PIEZO1: variants seen among roughly 807,000 people sequenced by gnomAD.
The protein encoded by PIEZO1 is piezo-type mechanosensitive ion channel component 1.
Under a neutral mutation model 297.2 loss-of-function variants are expected in PIEZO1, and 296 were observed. The ratio of observed to expected loss-of-function variants is 1.00; its 90% CI spans 0.91 to 1.10. The LOEUF is 1.10. Ranked by LOEUF, PIEZO1 falls within the 50% of genes least tolerant of loss-of-function variation. The probability of loss-of-function intolerance (pLI) is 0.00; values close to 1 mark genes in which losing one functional copy is unlikely to be tolerated. For missense variants in PIEZO1, 5,018 were observed against 3,455.5 expected, an observed-to-expected ratio of 1.45 and a Z score of -11.34; for synonymous variants, 2,427 against 1,507.5, an observed-to-expected ratio of 1.61 and a Z score of -14.13.
chr16:88,779,826 C>T (rs555248953), intron 1 of PIEZO1, among the ~76,000 whole-genome samples: 9 of 152,324 alleles, frequency 5.9e-5, no homozygotes, highest in South Asian at 2.1e-4. Context: ...CCGGCCACCG[C>T]GGCACTCAGC....
intron 1 of PIEZO1, among the ~76,000 whole-genome samples, chr16:88,782,872 G>C (rs1022986170): frequency 6.6e-6 from 1 of 152,074 alleles, no homozygotes; most frequent in Non-Finnish European, 1.5e-5. Flanking sequence ...GTTCTTGGCC[G>C]GCTCCACTTC....
intron 1 of PIEZO1, 25 bp downstream of exon 1, chr16:88,784,876 C>G: frequency 7.0e-7 from 1 of 1,422,774 alleles, no homozygotes; most frequent in South Asian, 1.3e-5. Context: ...CTCCCGTCGC[C>G]CCCAGGCGCC....
chr16:88,717,376 G>C (rs1912126666), intron 44 of PIEZO1, 165 bp from the exon 45 acceptor site: 1 of 668,266 alleles, frequency 1.5e-6, no homozygotes, highest in Non-Finnish European at 2.7e-6. Context: ...GTAGAACTAA[G>C]AGTCCAGTTG....
chr16:88,722,160 G>T (rs1567662173), intron 36 of PIEZO1, 58 bp downstream of exon 36: 1 of 1,524,518 alleles, frequency 6.6e-7, no homozygotes, highest in African/African-American at 1.4e-5. Context: ...TCCTGCCCCT[G>T]TTCGGCTGCT....
intron 1 of PIEZO1, among the ~76,000 whole-genome samples, chr16:88,755,916 G>A (rs925458015): frequency 9.2e-5 from 14 of 152,150 alleles, no homozygotes. Flanking sequence ...GCCAGGGGGT[G>A]GCAATTCCTG....
chr16:88,751,616 A>G (rs934614314), intron 1 of PIEZO1, among the ~76,000 whole-genome samples: 3 of 152,160 alleles, frequency 2.0e-5, no homozygotes, highest in South Asian at 2.1e-4. Context: ...CGCACCAAGC[A>G]TAGCCATCGG....
intron 2 of PIEZO1, among the ~76,000 whole-genome samples, chr16:88,749,010 G>A (rs1247047673): frequency 5.3e-5 from 8 of 151,202 alleles, no homozygotes; most frequent in Admixed American, 2.0e-4. Flanking sequence ...GGCCGAGGCG[G>A]GCGGATCACA....
At chr16:88,742,935 G>A (rs1382955649) in intron 2 of PIEZO1, 2 of 389,844 alleles carry the variant, frequency 5.1e-6, no homozygotes, top group Non-Finnish European at 1.1e-5. Flanking sequence ...TGGGGCTGAG[G>A]GGCTGCAAGG....
rs775384549 is a variant in PIEZO1 at position 88,727,094 on chromosome 16, G to T, written c.3400C>A (p.Arg1134Ser). The T allele has an allele frequency of 8.1e-5, 125 of 1,549,870 alleles. No individual in the cohort carries two copies. Among genetic ancestry groups the T allele is most frequent in the African/African-American group, 1.1e-4 (8 of 73,162 alleles). The change falls in exon 24 of 51, where the codon CGC becomes AGC. Residue 1134 changes from arginine (R) to serine (S), a missense_variant. Arg to Ser is a moderately radical substitution (Grantham distance 110). Coordinates refer to ENST00000301015, the MANE Select transcript of PIEZO1 (RefSeq NM_001142864.4). The stretch of plus-strand genomic sequence containing the variant: ...GGCTCCCCCCGCAGCGGCTCCAGGC[G>T]GTCGGTGTTGACGCCAGCCATGCGC... ...WQRMAGVNTDRLEPLRGEPNP... is the reference protein window; with the variant it reads ...WQRMAGVNTDSLEPLRGEPNP...
chr16:88,748,851 T>G (rs1030065956), intron 2 of PIEZO1, among the ~76,000 whole-genome samples: 12 of 148,384 alleles, frequency 8.1e-5, no homozygotes, highest in Non-Finnish European at 5.9e-5. Context: ...GAGGATTACT[T>G]GAACCTGGGA....
At position 88,726,397 on chromosome 16, in the gene PIEZO1, G is replaced by A. The variant is rs1010207870; in HGVS notation, c.3855C>T (p.Ile1285=). 2 of 1,550,356 alleles carry A rather than the reference G, an allele frequency of 1.3e-6. No homozygotes were observed. The highest frequency in any genetic ancestry group is 1.4e-5 in the African/African-American group (1 of 73,062). ...AGAAGAAGCAGACGCTGTCCCAGAT[G>A]ATGCCAGCCTCCTCCACAGGCAGCA... ...DCLLPVEEAG[I]IWDSVCFFFL... The change falls in exon 27 of 51, where the codon ATC becomes ATT. Residue 1285 remains isoleucine, a synonymous_variant. Coordinates refer to ENST00000301015, the MANE Select transcript of PIEZO1 (RefSeq NM_001142864.4).
chr16:88,737,521 C>T, intron 10 of PIEZO1, 38 bp downstream of exon 10: 1 of 1,429,996 alleles, frequency 7.0e-7, no homozygotes, highest in Non-Finnish European at 9.5e-7. Context: ...CGCCCCGCCC[C>T]CCGCACCCAG....
rs1904495075 is a variant in PIEZO1 at position 88,727,038 on chromosome 16, C to T, written c.3455+1G>A. On this transcript the variant is annotated splice_donor_variant, in intron 24 of 50. Coordinates refer to ENST00000301015, the MANE Select transcript of PIEZO1 (RefSeq NM_001142864.4). LOFTEE classifies it high-confidence loss of function. ...CCCGTGGAGGGTGACGTGGAACCCA[C>T]CTGCAGTGGATAAAGTTGGGCACGG... is the stretch of plus-strand genomic sequence containing the variant. The T allele has an allele frequency of 3.9e-6, 6 of 1,548,818 alleles. No homozygotes were observed. The highest frequency in any genetic ancestry group is 4.4e-6 in the Non-Finnish European group (5 of 1,145,688).
chr16:88,716,731 G>A lies in PIEZO1; in HGVS notation c.6754C>T (p.Leu2252=). ...TACTGGCTGATGAACTGCATGGCCA[G>A]CTGGGTACAAGTGACACCCTCAGTG... ...ELSRQFDPQP[L]AMQFISQYSP... is the part of the protein sequence containing the mutation. Residue 2252 remains leucine (L), a splice_region_variant and synonymous_variant, in exon 47 of 51, where the codon CTG becomes TTG. Coordinates refer to ENST00000301015, the MANE Select transcript of PIEZO1 (RefSeq NM_001142864.4). 2 of 1,547,968 alleles carry A rather than the reference G, an allele frequency of 1.3e-6. No homozygotes were observed. The highest frequency in any genetic ancestry group is 1.7e-6 in the Non-Finnish European group (2 of 1,146,774).
rs1904304842 is a variant in PIEZO1, at chr16:88,723,943, A to C, written c.4263T>G (p.Phe1421Leu). 6.5e-7 allele frequency: 1 copy of C among 1,549,408 alleles called. No individual in the cohort carries two copies. Among genetic ancestry groups the C allele is most frequent in the Non-Finnish European group, 8.7e-7 (1 of 1,145,956 alleles). The change falls in exon 31 of 51, where the codon TTT becomes TTG. Residue 1421 changes from phenylalanine to leucine, a missense_variant. By Grantham distance (22) the Phe-to-Leu change is conservative. Coordinates refer to ENST00000301015, the MANE Select transcript of PIEZO1 (RefSeq NM_001142864.4). ...CCTCCTCTTCCTCACTGTCGGACTC[A>C]AACAGGAAGTAGTCCCCGGAGTGGA... Reference protein sequence around the residue: ...TVIHSGDYFLFESDSEEEEEA... With the variant: ...TVIHSGDYFLLESDSEEEEEA...
chr16:88,733,683 C>T lies in PIEZO1; in HGVS notation c.2392G>A (p.Val798Ile), dbSNP rs931204966. 106 of 1,549,312 alleles carry T rather than the reference C, an allele frequency of 6.8e-5. No individual in the cohort carries two copies. The highest frequency in any genetic ancestry group is 1.6e-4 in the African/African-American group (12 of 73,020). Residue 798 changes from valine (V) to isoleucine (I), a missense_variant, in exon 18 of 51, where the codon GTC becomes ATC. Physicochemically the swap from Val to Ile is conservative, Grantham distance 29. Transcript: ENST00000301015. ...LLELAAGFSD[V>I]LSRVQVFLRR... ...AGGAACACCTGCACGCGTGAGAGGA[C>T]GTCCGAGAAGCCGGCTGCCAGCTCC...
At chr16:88,760,544 G>T (rs1055202295) in intron 1 of PIEZO1, among the ~76,000 whole-genome samples, 2 of 152,230 alleles carry the variant, frequency 1.3e-5, no homozygotes, top group African/African-American at 4.8e-5. Flanking sequence ...CAGCACCCAG[G>T]GAGCTCAAGA....
rs1905264964 is a variant in PIEZO1 at position 88,737,007 on chromosome 16, C to T, written c.1196-268G>A. 8.2e-6 allele frequency: 3 copies of T among 365,868 alleles called. No homozygotes were observed. The East Asian group carries it at 1.5e-4, about 18-fold the overall frequency. The allele number at this position is 365,868 out of a possible 1,614,324, so 22.7% of individuals were successfully genotyped here. A position where few individuals can be genotyped will look rare whatever the true frequency, so the allele number is the denominator to read the frequency against. On this transcript the variant is annotated intron_variant, in intron 10 of 50. Coordinates refer to ENST00000301015, the MANE Select transcript of PIEZO1 (RefSeq NM_001142864.4). ...CCCTGACCCCCTTTCCAGCTCTGCG[C>T]ACCTGAAGACTCTCAGGACCCCCAC...
intron 1 of PIEZO1, among the ~76,000 whole-genome samples, chr16:88,770,724 G>A (rs115348073): frequency 0.017 from 2,522 of 152,318 alleles, 79 homozygotes; most frequent in African/African-American, 0.058. Flanking sequence ...GCCGCACCAA[G>A]TCACCCTGAG....
Sources: allele counts gnomAD v4.1 joint callset (sites outside exome capture counted in the v4.1 genomes callset), GRCh38; gene constraint gnomAD v4.1.1; transcripts MANE v1.5; gene names NCBI Gene and HGNC (gene_info 2026-07-23, HGNC 2026-07-21).